Variants in MME observed in about 807,000 individuals in gnomAD.
The protein encoded by MME is neprilysin.
In MME, 98 loss-of-function variants were observed where a neutral mutation model predicts 113.2. The observed-to-expected ratio is 0.87, with a 90% CI of 0.74 to 1.02. The LOEUF (loss-of-function observed/expected upper bound fraction) is 1.02. Ranked by LOEUF, MME falls within the 50% of genes least tolerant of loss-of-function variation. The pLI is 0.00. For synonymous variants in MME, 292 were observed against 300.6 expected, an observed-to-expected ratio of 0.97 and a Z score of 0.30; for missense variants, 836 against 896.0, an observed-to-expected ratio of 0.93 and a Z score of 0.86.
chr3:155,057,331 A>G (rs1416419187), intron 1 of MME, among the ~76,000 whole-genome samples: 6 of 151,894 alleles, frequency 4.0e-5, no homozygotes, highest in South Asian at 4.1e-4. Context: ...ATGCAGCCAA[A>G]AAACACATGA....
chr3:155,108,361 C>T (rs1004556832), intron 3 of MME, among the ~76,000 whole-genome samples: 19 of 151,792 alleles, frequency 1.3e-4, no homozygotes, highest in South Asian at 8.3e-4. Flanking sequence ...TTTGGGAGGC[C>T]GAGGCGGGTG....
intron 8 of MME, among the ~76,000 whole-genome samples, chr3:155,134,430 G>C (rs774987877): frequency 1.3e-5 from 2 of 152,104 alleles, no homozygotes; most frequent in Admixed American, 6.5e-5. Flanking sequence ...TTAGGATAAT[G>C]ACCTCCAGCT....
intron 1 of MME, among the ~76,000 whole-genome samples, chr3:155,062,998 G>A (rs573436285): frequency 9.6e-5 from 13 of 135,422 alleles, no homozygotes; most frequent in South Asian, 2.3e-4. Context: ...TAGTGCCACT[G>A]CACTCCAGCT....
At chr3:155,166,473 G>A (rs937308471) in intron 17 of MME, among the ~76,000 whole-genome samples, 5 of 152,142 alleles carry the variant, frequency 3.3e-5, no homozygotes, top group African/African-American at 9.6e-5. Context: ...AAATAATATT[G>A]GTGTTACTGA....
At chr3:155,036,582 T>C (rs567475751) in intron 1 of MME, among the ~76,000 whole-genome samples, 15 of 152,308 alleles carry the variant, frequency 9.8e-5, no homozygotes, top group African/African-American at 2.9e-4. Flanking sequence ...CAAGATTTTA[T>C]ATATATTATG....
In MME at chr3:155,062,929, G is replaced by A. The variant is rs148866212; in HGVS notation, c.-10-21229G>A. Among the ~76,000 whole-genome samples, 694 of 149,822 alleles carry A rather than the reference G, an allele frequency of 4.6e-3. 5 individuals carry two copies. Among genetic ancestry groups the A allele is most frequent in the African/African-American group, 0.016 (669 of 40,830 alleles). ...CACATGCCTGTAATCCCAGCTACTC[G>A]GAAGGCTGAGGCAGGAGAATCACTG... On this transcript the variant is annotated intron_variant, in intron 1 of 22. Transcript: ENST00000492661.
chr3:155,125,151 G>A (rs571572851), intron 8 of MME, among the ~76,000 whole-genome samples: 2,758 of 147,190 alleles, frequency 0.019, 89 homozygotes, highest in African/African-American at 0.064. Context: ...TCTGAAAAGC[G>A]CAATATTCGG....
chr3:155,091,293 AAAG>A (rs1716275407), intron 3 of MME, among the ~76,000 whole-genome samples: 2 of 152,236 alleles, frequency 1.3e-5, no homozygotes, highest in South Asian at 4.1e-4. Context: ...CCTTTCCAAG[AAAG>A]GGAATCAGTT....
chr3:155,031,688 G>A (rs35848304), intron 1 of MME, among the ~76,000 whole-genome samples: 15,056 of 151,982 alleles, frequency 0.099, 1,254 homozygotes, highest in African/African-American at 0.23. Flanking sequence ...ACAGAGTTTC[G>A]CTCTTGTCGC....
chr3:155,044,732 A>G (rs775521167), intron 1 of MME, among the ~76,000 whole-genome samples: 7 of 152,146 alleles, frequency 4.6e-5, no homozygotes, highest in Non-Finnish European at 7.3e-5. Context: ...TTCAACATCT[A>G]TTGGGTTGGG....
At chr3:155,148,126 A>G (rs552744752) in intron 15 of MME, among the ~76,000 whole-genome samples, 23 of 152,256 alleles carry the variant, frequency 1.5e-4, no homozygotes, top group African/African-American at 5.3e-4. Context: ...AGGAGCCCTT[A>G]GTTCATCGGT....
chr3:155,124,373 T>C (rs1280218153), intron 8 of MME, among the ~76,000 whole-genome samples: 46 of 152,054 alleles, frequency 3.0e-4, no homozygotes, highest in Admixed American at 2.9e-3. Context: ...AATGTCCTCC[T>C]GTAGCTCAGA....
At chr3:155,095,807 AAAC>A (rs1716685707) in intron 3 of MME, among the ~76,000 whole-genome samples, 1 of 152,210 alleles carries the variant, frequency 6.6e-6, no homozygotes, top group South Asian at 2.1e-4. Flanking sequence ...TGACAGACAT[AAAC>A]AACATTACCA....
intron 22 of MME, among the ~76,000 whole-genome samples, chr3:155,172,961 A>G (rs775204521): frequency 6.6e-6 from 1 of 152,104 alleles, no homozygotes; most frequent in Non-Finnish European, 1.5e-5. Flanking sequence ...CCCAGACCCA[A>G]TGAGCTCCAA....
intron 1 of MME, among the ~76,000 whole-genome samples, chr3:155,062,894 G>T (rs752781177): frequency 3.6e-4 from 55 of 150,816 alleles, no homozygotes; most frequent in South Asian, 1.0e-3. Context: ...AAATTAGCTG[G>T]GCATGGTGGC....
rs568472936 is a variant in MME, at chr3:155,181,942, TATAAC to T, written c.*1487_*1491del. On this transcript the variant is annotated 3_prime_UTR_variant, in exon 23 of 23. Coordinates refer to ENST00000360490, the MANE Select transcript of MME (RefSeq NM_007289.4). ...TTAAAAAAAAAAGTTACAGAAATAC[TATAAC>T]ATATGTACATAAATTGCATAAAGCA... The T allele has an allele frequency of 5.3e-5, 8 of 152,114 alleles. No homozygotes were observed. Among genetic ancestry groups the T allele is most frequent in the Non-Finnish European group, 8.8e-5 (6 of 68,026 alleles). 9.4% of individuals were successfully genotyped at this position (152,114 alleles called of 1,614,324 possible).
upstream of MME, among the ~76,000 whole-genome samples, chr3:155,079,310 G>A (rs1176080456): frequency 6.6e-6 from 1 of 152,134 alleles, no homozygotes; most frequent in Non-Finnish European, 1.5e-5. Context: ...AAGAGCGTGA[G>A]AAGAGGCAAG....
rs1417837337 is a variant in MME, at chr3:155,148,547, C to G, written c.1498-3C>G. The G allele has an allele frequency of 6.3e-7, 1 of 1,579,318 alleles. No homozygotes were observed. Among genetic ancestry groups the G allele is most frequent in the Non-Finnish European group, 8.7e-7 (1 of 1,149,204 alleles). ...TTCTTCCCAAATCTTCTTTATAATACAGTTGAACTACAAAGAAGATGAATA... is the reference window on the plus strand; with the variant it reads ...TTCTTCCCAAATCTTCTTTATAATAGAGTTGAACTACAAAGAAGATGAATA... On this transcript the variant is annotated splice_region_variant and splice_polypyrimidine_tract_variant and intron_variant, in intron 15 of 22. Coordinates refer to ENST00000360490, the MANE Select transcript of MME (RefSeq NM_007289.4).
intron 4 of MME, among the ~76,000 whole-genome samples, chr3:155,116,165 C>T (rs573194248): frequency 1.5e-4 from 23 of 148,426 alleles, no homozygotes; most frequent in Middle Eastern, 3.3e-3. Flanking sequence ...GTAACTGTTA[C>T]CTATGGCAGA....
Sources: allele counts gnomAD v4.1 joint callset (sites outside exome capture counted in the v4.1 genomes callset), GRCh38; gene constraint gnomAD v4.1.1; transcripts MANE v1.5; gene names NCBI Gene and HGNC (gene_info 2026-07-23, HGNC 2026-07-21).